The following LMBRD2 variants were observed in gnomAD, a reference collection of about 807,000 sequenced individuals.
LMBRD2 encodes G protein-coupled receptor-associated protein LMBRD2.
A neutral mutation model predicts 94.4 loss-of-function variants in LMBRD2; 55 were observed. That is an observed-to-expected ratio of 0.58 (90% CI 0.47 to 0.73). LMBRD2 has a LOEUF of 0.73. Ranked by LOEUF, LMBRD2 falls within the 30% of genes least tolerant of loss-of-function variation. The pLI is 0.00. For synonymous variants in LMBRD2, 246 were observed against 272.4 expected, an observed-to-expected ratio of 0.90 and a Z score of 0.95; for missense variants, 640 against 831.9, an observed-to-expected ratio of 0.77 and a Z score of 2.84.
chr5:36,122,761 C>T, intron 8 of LMBRD2, 87 bp downstream of exon 8: 1 of 1,433,402 alleles, frequency 7.0e-7, no homozygotes, highest in Non-Finnish European at 9.3e-7. Flanking sequence ...AATACACATT[C>T]ACTAAAAATT....
chr5:36,148,763 C>T (rs933360932), intron 1 of LMBRD2, among the ~76,000 whole-genome samples: 2 of 152,190 alleles, frequency 1.3e-5, no homozygotes, highest in Middle Eastern at 6.3e-3. Context: ...ATCTTTACTA[C>T]AGAGCCTGGA....
At chr5:36,128,420 T>C (rs1238405340) in intron 6 of LMBRD2, among the ~76,000 whole-genome samples, 2 of 152,036 alleles carry the variant, frequency 1.3e-5, no homozygotes, top group South Asian at 4.2e-4. Flanking sequence ...CCTCACCAAA[T>C]GAACTAAATA....
At chr5:36,139,287 C>T (rs1744346184) in intron 4 of LMBRD2, among the ~76,000 whole-genome samples, 1 of 152,244 alleles carries the variant, frequency 6.6e-6, no homozygotes, top group African/African-American at 2.4e-5. Context: ...TGCCTCAGCC[C>T]ACTCTGGACT....
intron 1 of LMBRD2, among the ~76,000 whole-genome samples, chr5:36,147,046 T>C (rs1282987977): frequency 6.6e-6 from 1 of 151,936 alleles, no homozygotes; most frequent in Non-Finnish European, 1.5e-5. Flanking sequence ...TTGAAATTTG[T>C]TTTACAGGGC....
Position 36,122,413 on chromosome 5 carries a change from A to C in LMBRD2, c.987T>G (p.Ile329Met). 1 of 1,613,710 alleles carries C rather than the reference A, an allele frequency of 6.2e-7. No homozygotes were observed. The highest frequency in any genetic ancestry group is 8.5e-7 in the Non-Finnish European group (1 of 1,179,844). Residue 329 changes from isoleucine (I) to methionine (M), a missense_variant, in exon 9 of 18, where the codon ATT (isoleucine) becomes ATG (methionine). This residue lies in a region of LMBRD2 where 457 missense variants were observed against 642.8 expected (regional missense o/e 0.71). Transcript: ENST00000296603. Reference protein sequence around the residue: ...RHRRTQVQWQILLEQAFYLED... With the variant: ...RHRRTQVQWQMLLEQAFYLED... ...CTAGATAAAATGCTTGTTCCAAAAG[A>C]ATCTGCCATTGTACTTGAGTTCGAC... is the stretch of plus-strand genomic sequence containing the variant.
chr5:36,106,165 T>C (rs1561510231), intron 16 of LMBRD2, among the ~76,000 whole-genome samples: 1 of 152,202 alleles, frequency 6.6e-6, no homozygotes, highest in Non-Finnish European at 1.5e-5. Context: ...CTTTCTATTC[T>C]GTAAACTTCT....
chr5:36,138,018 C>T (rs1290310393), intron 4 of LMBRD2, among the ~76,000 whole-genome samples: 1 of 152,086 alleles, frequency 6.6e-6, no homozygotes, highest in East Asian at 1.9e-4. Flanking sequence ...AGAACTGAGA[C>T]AGAACTCTGA....
chr5:36,105,209 G>T lies in LMBRD2; in HGVS notation c.1898-12C>A, dbSNP rs1743437121. On this transcript the variant is annotated splice_polypyrimidine_tract_variant and intron_variant, in intron 16 of 17. Transcript: ENST00000296603. Reference sequence around the variant, plus strand: ...ATATTTGAATGCAGCTGCAAAGGAAGGGGGAAAAATGTCTACTTCCCTACT... The same window carrying T: ...ATATTTGAATGCAGCTGCAAAGGAATGGGGAAAAATGTCTACTTCCCTACT... The T allele has an allele frequency of 1.2e-6, 2 of 1,610,382 alleles. No individual in the cohort carries two copies. Among genetic ancestry groups the T allele is most frequent in the South Asian group, 2.2e-5 (2 of 90,592 alleles).
chr5:36,146,274 CAT>C (rs1172621083), intron 1 of LMBRD2, among the ~76,000 whole-genome samples: 2 of 152,212 alleles, frequency 1.3e-5, no homozygotes, highest in African/African-American at 4.8e-5. Context: ...GAAGTTCAAA[CAT>C]AGCATAGTTC....
intron 16 of LMBRD2, among the ~76,000 whole-genome samples, chr5:36,107,317 A>G (rs747935214): frequency 1.4e-4 from 21 of 152,192 alleles, no homozygotes; most frequent in Non-Finnish European, 1.2e-4. Flanking sequence ...GCACTGTCTG[A>G]TAATTTCAAC....
At chr5:36,119,654 T>A (rs112299323) in intron 9 of LMBRD2, among the ~76,000 whole-genome samples, 6 of 152,286 alleles carry the variant, frequency 3.9e-5, no homozygotes, top group African/African-American at 1.4e-4. Context: ...AATCACTAGC[T>A]TCAAGTGGGT....
Position 36,117,747 on chromosome 5 carries a change from A to T in LMBRD2, c.1290T>A (p.Tyr430Ter). The change falls in exon 10 of 18, where the codon TAT (tyrosine) becomes TAA (stop). Residue 430 changes from tyrosine (Y) to a stop codon, truncating the protein, a stop_gained. Transcript: ENST00000296603. LOFTEE classifies it high-confidence loss of function. ...AAAATAAACTGACCTCGATATAAAT[A>T]TAATTATATGTTTTTTCTGCCAGCT... ...FIQLAEKTYN[Y>*]IYIEIACFLS... 1 of 1,603,198 alleles carries T rather than the reference A, an allele frequency of 6.2e-7. No homozygotes were observed. Among genetic ancestry groups the T allele is most frequent in the Non-Finnish European group, 8.5e-7 (1 of 1,174,440 alleles).
At chr5:36,132,680 G>C (rs201469486) in intron 6 of LMBRD2, among the ~76,000 whole-genome samples, 5 of 87,716 alleles carry the variant, frequency 5.7e-5, no homozygotes, top group Admixed American at 3.0e-4. Flanking sequence ...AAAAAAAAAA[G>C]ACATACAAAT....
At chr5:36,137,226 A>G in intron 5 of LMBRD2, 48 bp downstream of exon 5, 1 of 1,269,524 alleles carries the variant, frequency 7.9e-7, no homozygotes, top group Non-Finnish European at 1.1e-6. Flanking sequence ...GATTTTTTAA[A>G]AATGCAAACA....
rs1581037784 is a variant in LMBRD2, at chr5:36,103,611, A to C, written c.*435T>G. On this transcript the variant is annotated 3_prime_UTR_variant, in exon 18 of 18. Coordinates refer to ENST00000296603, the MANE Select transcript of LMBRD2 (RefSeq NM_001007527.2). ...CCATTCACTTACATTTCTTTGGGAAATACAGGTTGAATATACTTTTTAGAA... is the reference window on the plus strand; with the variant it reads ...CCATTCACTTACATTTCTTTGGGAACTACAGGTTGAATATACTTTTTAGAA... 1 of 152,728 alleles carries C rather than the reference A, an allele frequency of 6.5e-6. No homozygotes were observed. Among genetic ancestry groups the C allele is most frequent in the East Asian group, 1.9e-4 (1 of 5,202 alleles). The allele number at this position is 152,728 out of a possible 1,614,324, so 9.5% of individuals were successfully genotyped here.
intron 15 of LMBRD2, 101 bp downstream of exon 15, chr5:36,109,842 CTG>C (rs1743561677): frequency 1.2e-6 from 1 of 809,468 alleles, no homozygotes; most frequent in East Asian, 2.7e-5. Flanking sequence ...CATTTTTCCA[CTG>C]TTTTTTTCTG....
chr5:36,146,259 G>T (rs1744535217), intron 1 of LMBRD2, among the ~76,000 whole-genome samples: 1 of 152,140 alleles, frequency 6.6e-6, no homozygotes, highest in South Asian at 2.1e-4. Flanking sequence ...AGCTTCTGTA[G>T]GTCAGAAGTT....
At chr5:36,122,192 T>A in intron 9 of LMBRD2, 88 bp downstream of exon 9, 2 of 906,686 alleles carry the variant, frequency 2.2e-6, no homozygotes, top group Non-Finnish European at 3.3e-6. Context: ...ACAAATAAAA[T>A]TCAACTTTGC....
Position 36,136,531 on chromosome 5 carries a change from A to G in LMBRD2, c.537-12T>C. 3 of 1,603,384 alleles carry G rather than the reference A, an allele frequency of 1.9e-6. No homozygotes were observed. In the South Asian group the frequency reaches 3.3e-5, roughly 18 times the overall value. On this transcript the variant is annotated splice_polypyrimidine_tract_variant and intron_variant, in intron 5 of 17. Transcript: ENST00000296603. ...TCTGAAGCTGGTTCCTAAGAAAGGG[A>G]AACAACAGATAATATGTATATTTTA...
Sources: allele counts gnomAD v4.1 joint callset (sites outside exome capture counted in the v4.1 genomes callset), GRCh38; gene constraint gnomAD v4.1.1; regional missense constraint gnomAD v4.1.1; transcripts MANE v1.5; gene names NCBI Gene and HGNC (gene_info 2026-07-23, HGNC 2026-07-21).